Variants in NFIC observed in about 807,000 individuals in gnomAD.
The protein encoded by NFIC is nuclear factor I C.
In NFIC, 12 loss-of-function variants were observed where a neutral mutation model predicts 54.4. The ratio of observed to expected loss-of-function variants is 0.22; its 90% CI spans 0.14 to 0.36. The LOEUF (loss-of-function observed/expected upper bound fraction) is 0.36, where lower values mean the gene tolerates loss of function less well. NFIC is among the 10% of genes least tolerant of loss of function. NFIC has a pLI of 1.00. For synonymous variants in NFIC, 322 were observed against 319.2 expected (o/e 1.01, Z -0.09); for missense variants, 575 against 718.2 (o/e 0.80, Z 2.28).
exon 1 of NFIC, chr19:3,359,668 C>A: frequency 7.1e-7 from 1 of 1,409,454 alleles, no homozygotes; most frequent in Non-Finnish European, 9.4e-7. Context: ...GGCCTCGCCT[C>A]CTCGCAGCAG....
At chr19:3,395,278 C>T (rs919252237) in intron 2 of NFIC, among the ~76,000 whole-genome samples, 8 of 151,904 alleles carry the variant, frequency 5.3e-5, no homozygotes, top group Admixed American at 4.6e-4. Context: ...AGAATCACTT[C>T]AATCCGGGAG....
rs7250654 is a variant in NFIC, at chr19:3,369,880, G to A, written c.30+3214G>A. Among the ~76,000 whole-genome samples the A allele has an allele frequency of 0.95, 144,653 of 152,212 alleles. 68,867 individuals carry two copies. The highest frequency in any genetic ancestry group is 0.99 in the African/African-American group (41,122 of 41,580). ...CACCGGGTCCCTGTCTCATTCGTTC[G>A]TTGTTTCCTTCATTCGTTCGTCCCA... On this transcript the variant is annotated intron_variant, in intron 1 of 10. Transcript: ENST00000443272. This position sits in a 1 kb window ranked among gnomAD's most constrained non-coding sequence, Gnocchi z 4.3.
At chr19:3,433,808 G>A (rs1440337424) in intron 4 of NFIC, among the ~76,000 whole-genome samples, 2 of 152,096 alleles carry the variant, frequency 1.3e-5, no homozygotes, top group Non-Finnish European at 2.9e-5. Flanking sequence ...CTAAATGCTG[G>A]ATGGCAACTA....
rs1386012866 is a variant in NFIC at position 3,465,001 on chromosome 19, A to G, written c.*2232A>G. 1 of 151,736 alleles carries G rather than the reference A, an allele frequency of 6.6e-6. No individual in the cohort carries two copies. Among genetic ancestry groups the G allele is most frequent in the African/African-American group, 2.4e-5 (1 of 41,272 alleles). The allele number at this position is 151,736 out of a possible 1,614,324, so 9.4% of individuals were successfully genotyped here. On this transcript the variant is annotated 3_prime_UTR_variant, in exon 11 of 11. Transcript: ENST00000443272. ...GAGGGGTCAGGGCGCGACGAGAACC[A>G]ACTCTTTACCTAACTTTGCATGGTG...
chr19:3,440,360 A>G (rs896515416), intron 6 of NFIC, among the ~76,000 whole-genome samples: 33 of 151,824 alleles, frequency 2.2e-4, no homozygotes, highest in African/African-American at 7.8e-4. Context: ...CCCCTATAAT[A>G]TAGCCAGAGG....
At chr19:3,385,283 C>T (rs2081277689) in intron 2 of NFIC, among the ~76,000 whole-genome samples, 1 of 151,878 alleles carries the variant, frequency 6.6e-6, no homozygotes, top group South Asian at 2.1e-4. Context: ...ACTCCAACCC[C>T]AGCTCAGCTG....
intron 3 of NFIC, among the ~76,000 whole-genome samples, chr19:3,428,989 T>C (rs1334787382): frequency 6.6e-6 from 1 of 151,646 alleles, no homozygotes; most frequent in Non-Finnish European, 1.5e-5. Flanking sequence ...ACTCAGCAAA[T>C]GACTGTAACA....
At chr19:3,389,120 G>T (rs1404886096) in intron 2 of NFIC, among the ~76,000 whole-genome samples, 1 of 152,164 alleles carries the variant, frequency 6.6e-6, no homozygotes, top group Admixed American at 6.6e-5. Context: ...AGATCATACA[G>T]TGCAGGCCGT....
chr19:3,387,361 G>A (rs1367254382), intron 2 of NFIC, among the ~76,000 whole-genome samples: 1 of 152,192 alleles, frequency 6.6e-6, no homozygotes, highest in Admixed American at 6.6e-5. Context: ...AATTAGCCGG[G>A]CGTGGTGGCG....
intron 1 of NFIC, among the ~76,000 whole-genome samples, chr19:3,380,054 G>A (rs1248593423): frequency 3.3e-5 from 5 of 151,456 alleles, no homozygotes; most frequent in African/African-American, 1.2e-4. Flanking sequence ...AGGCTGGAGT[G>A]CAGTGGCGCA....
chr19:3,403,919 G>C (rs1011106820), intron 2 of NFIC, among the ~76,000 whole-genome samples: 1 of 152,058 alleles, frequency 6.6e-6, no homozygotes. Context: ...TGCTTCGTGT[G>C]GCCACTGATC....
At chr19:3,402,680 C>T (rs1000792900) in intron 2 of NFIC, among the ~76,000 whole-genome samples, 1 of 152,196 alleles carries the variant, frequency 6.6e-6, no homozygotes, top group Non-Finnish European at 1.5e-5. Flanking sequence ...CCAGAGGCTG[C>T]TTGAGGTGAA....
At chr19:3,419,742 T>C (rs7249870) in intron 2 of NFIC, among the ~76,000 whole-genome samples, 139,953 of 151,368 alleles carry the variant, frequency 0.92, 64,808 homozygotes, top group African/African-American at 0.95. Flanking sequence ...GAGGCTGCAG[T>C]GAGCTGAGAT....
chr19:3,452,549 G>A lies in NFIC; in HGVS notation c.1152G>A (p.Thr384=), dbSNP rs142781909. 1.5e-4 allele frequency: 237 copies of A among 1,613,422 alleles called. No homozygotes were observed. Among genetic ancestry groups the A allele is most frequent in the Non-Finnish European group, 1.9e-4 (220 of 1,179,976 alleles). Residue 384 remains threonine (T), a synonymous_variant, in exon 8 of 11, where the codon ACG becomes ACA. Transcript: ENST00000443272. This position sits in a 1 kb window ranked among gnomAD's most constrained non-coding sequence, Gnocchi z 5.3. ...CTACGACGTCCATCCTACCCCAGAC[G>A]GCCTCCACCTACTTCCCCCACACGG... ...HFPTTSILPQ[T]ASTYFPHTAI...
At chr19:3,448,683 C>T (rs1279344745) in intron 6 of NFIC, among the ~76,000 whole-genome samples, 1 of 152,148 alleles carries the variant, frequency 6.6e-6, no homozygotes, top group Non-Finnish European at 1.5e-5. Context: ...TTCTCTAGGG[C>T]TCGGGTGACT....
chr19:3,382,800 C>T (rs2081235362), intron 2 of NFIC, among the ~76,000 whole-genome samples: 1 of 146,360 alleles, frequency 6.8e-6, no homozygotes, highest in Admixed American at 6.8e-5. Flanking sequence ...GCGTCTAATG[C>T]AAGTGATATG....
At chr19:3,461,661 T>A (rs999559172) in intron 10 of NFIC, among the ~76,000 whole-genome samples, 3 of 151,594 alleles carry the variant, frequency 2.0e-5, no homozygotes, top group Admixed American at 2.0e-4. Flanking sequence ...AAGCGGAGGT[T>A]GTAGAGAGCC....
rs2082686889 is a variant in NFIC at position 3,464,338 on chromosome 19, C to T, written c.*1569C>T. On this transcript the variant is annotated 3_prime_UTR_variant, in exon 11 of 11. Transcript: ENST00000443272. ...AGCCGTGTAGGGGGCCTCCCATCTG[C>T]TAAGCGTTTTTCCGTTGAGCCGCTC... 1.6e-5 allele frequency: 16 copies of T among 985,100 alleles called. No individual in the cohort carries two copies. The highest frequency in any genetic ancestry group is 1.9e-5 in the Non-Finnish European group (16 of 829,858). The allele number at this position is 985,100 out of a possible 1,614,324, so 61.0% of individuals were successfully genotyped here. A position where few individuals can be genotyped will look rare whatever the true frequency, so the allele number is the denominator to read the frequency against.
Position 3,465,410 on chromosome 19 carries a change from AAAAT to A in NFIC, c.*2644_*2647del. 1 of 149,198 alleles carries A rather than the reference AAAAT, an allele frequency of 6.7e-6. No individual in the cohort carries two copies. The highest frequency in any genetic ancestry group is 1.5e-5 in the Non-Finnish European group (1 of 67,504). The allele number at this position is 149,198 out of a possible 1,614,324, so 9.2% of individuals were successfully genotyped here. On this transcript the variant is annotated 3_prime_UTR_variant, in exon 11 of 11. Transcript: ENST00000443272. ...TCTATTTGTAAAAAAAATAAAATAA[AAAAT>A]AAGAAAGTGAGAATCTAAAAAAAAA...
Sources: gnomAD v4.1 joint callset for allele counts (sites outside exome capture counted in the v4.1 genomes callset) on GRCh38, gnomAD v4.1.1 for gene constraint, Gnocchi (gnomAD v3.1) non-coding constraint, MANE v1.5 for transcripts, NCBI Gene and HGNC (gene_info 2026-07-23, HGNC 2026-07-21) for gene names.